TRIM36: variants seen among roughly 807,000 people sequenced by gnomAD.
TRIM36 encodes the protein tripartite motif containing 36, also known as E3 ubiquitin-protein ligase TRIM36.
A neutral mutation model predicts 72.4 loss-of-function variants in TRIM36; 42 were observed. The ratio of observed to expected loss-of-function variants is 0.58; its 90% confidence interval spans 0.45 to 0.75. The LOEUF (loss-of-function observed/expected upper bound fraction) is 0.75, where lower values mean the gene tolerates loss of function less well. Among genes scored for constraint, TRIM36 ranks in the 30% least tolerant of loss-of-function variants. The pLI, the probability that TRIM36 is intolerant of heterozygous loss-of-function variation, is 0.00. For missense variants in TRIM36, 913 were observed against 857.1 expected (o/e 1.07, Z -0.81); for synonymous variants, 315 against 282.8 (o/e 1.11, Z -1.14).
chr5:115,170,731 A>G (rs2126949883), upstream of TRIM36, among the ~76,000 whole-genome samples: 1 of 152,342 alleles, frequency 6.6e-6, no homozygotes, highest in African/African-American at 2.4e-5. Context: ...GATGCTGGCC[A>G]GGGACTGAAG....
exon 1 of TRIM36, chr5:115,180,136 T>TC (rs1755553265): frequency 1.7e-6 from 2 of 1,185,428 alleles, no homozygotes; most frequent in Non-Finnish European, 2.5e-6. Flanking sequence ...TTTGCCGAGC[T>TC]CCCCGCCCAT....
intron 4 of TRIM36, among the ~76,000 whole-genome samples, chr5:115,141,662 TTTCA>T (rs895952201): frequency 6.6e-6 from 1 of 152,200 alleles, no homozygotes; most frequent in Non-Finnish European, 1.5e-5. Flanking sequence ...ATTTTTATTG[TTTCA>T]TTATCATTCC....
chr5:115,147,051 A>C lies in TRIM36; in HGVS notation c.588+18T>G, dbSNP rs922634361. ...TTAAGTTAAAATAACATTCTAACTTAATAAAAACTTCACTTACCTTGGGTC... is the reference window on the plus strand; with the variant it reads ...TTAAGTTAAAATAACATTCTAACTTCATAAAAACTTCACTTACCTTGGGTC... On this transcript the variant is annotated intron_variant, in intron 3 of 9. Coordinates refer to ENST00000513154, the MANE Select transcript of TRIM36 (RefSeq NM_001300759.2). The C allele has an allele frequency of 6.3e-7, 1 of 1,588,332 alleles. No individual in the cohort carries two copies.
chr5:115,144,779 C>G (rs373120464), intron 3 of TRIM36, 35 bp from the exon 4 acceptor site: 3 of 1,569,926 alleles, frequency 1.9e-6, no homozygotes, highest in African/African-American at 1.4e-5. Flanking sequence ...GATTAAGGAT[C>G]TAGGTTTCAA....
chr5:115,130,747 G>A lies in TRIM36; in HGVS notation c.1641C>T (p.Ser547=). The change falls in exon 9 of 10, where the codon AGC becomes AGT. Residue 547 remains serine (S), a synonymous_variant. Coordinates refer to ENST00000513154, the MANE Select transcript of TRIM36 (RefSeq NM_001300759.2). ...CAGTATCTCCAATGATGTAGTCTAAGCTTGTGTAATAACCCACTTGGATGC... is the reference window on the plus strand; with the variant it reads ...CAGTATCTCCAATGATGTAGTCTAAACTTGTGTAATAACCCACTTGGATGC... ...AERIQVGYYT[S]LDYIIGDTGI... The A allele has an allele frequency of 1.2e-6, 2 of 1,614,126 alleles. No individual in the cohort carries two copies. Among genetic ancestry groups the A allele is most frequent in the Middle Eastern group, 1.6e-4 (1 of 6,062 alleles).
chr5:115,145,960 T>C (rs903851423), intron 3 of TRIM36, among the ~76,000 whole-genome samples: 1 of 152,234 alleles, frequency 6.6e-6, no homozygotes, highest in Admixed American at 6.5e-5. Context: ...TTTAGAATTT[T>C]ACTATATTGA....
chr5:115,134,280 A>G (rs2974618), intron 7 of TRIM36, 133 bp from the exon 8 acceptor site: 358,827 of 605,536 alleles, frequency 0.59, 109,260 homozygotes, highest in South Asian at 0.71. Context: ...TTATAATACT[A>G]TATATAGAAA....
At chr5:115,152,085 A>AAAAGGC (rs564780847) in intron 2 of TRIM36, among the ~76,000 whole-genome samples, 60 of 152,336 alleles carry the variant, frequency 3.9e-4, no homozygotes, top group Middle Eastern at 3.4e-3. Flanking sequence ...AGACACCAGA[A>AAAAGGC]AAAGGCAAAG....
chr5:115,160,651 AACAAAGTGAGACCTTCTTCTCC>A (rs1403776892), intron 2 of TRIM36, among the ~76,000 whole-genome samples: 4 of 152,336 alleles, frequency 2.6e-5, no homozygotes, highest in Non-Finnish European at 5.9e-5. Flanking sequence ...CAGCCTAGGC[AACAAAGTGAGACCTTCTTCTCC>A]ACAAAAAAAA....
chr5:115,128,095 G>GGC lies in TRIM36; in HGVS notation c.1797-1239_1797-1238insGC, dbSNP rs113602808. Among the ~76,000 whole-genome samples, 8 of 149,348 alleles carry GGC rather than the reference G, an allele frequency of 5.4e-5. 1 individual carries two copies. The highest frequency in any genetic ancestry group is 1.9e-4 in the African/African-American group (8 of 41,066). ...ACAAGGCTATAAAAAAAATTGGGGGGGGCCAGGAGTGGTAGCTCACGTCTG... is the reference window on the plus strand; with the variant it reads ...ACAAGGCTATAAAAAAAATTGGGGGGGCGGCCAGGAGTGGTAGCTCACGTCTG... On this transcript the variant is annotated intron_variant, in intron 9 of 9. Coordinates refer to ENST00000513154, the MANE Select transcript of TRIM36 (RefSeq NM_001300759.2).
chr5:115,167,382 T>C (rs1039305309), intron 1 of TRIM36, among the ~76,000 whole-genome samples: 1 of 152,214 alleles, frequency 6.6e-6, no homozygotes, highest in African/African-American at 2.4e-5. Flanking sequence ...CTTAAGCAAA[T>C]TTCTGCAGCT....
chr5:115,155,445 A>G (rs1364397031), intron 2 of TRIM36, among the ~76,000 whole-genome samples: 2 of 152,236 alleles, frequency 1.3e-5, no homozygotes, highest in African/African-American at 2.4e-5. Flanking sequence ...ATCCAACAAC[A>G]TATCAAAAAG....
At chr5:115,159,377 T>C (rs536392266) in intron 2 of TRIM36, among the ~76,000 whole-genome samples, 1 of 152,326 alleles carries the variant, frequency 6.6e-6, no homozygotes, top group Admixed American at 6.5e-5. Flanking sequence ...ACAAAAGCGG[T>C]ATAAATCATT....
rs997877790 is a variant in TRIM36 at position 115,147,412 on chromosome 5, C to A, written c.263-18G>T. 2.5e-6 allele frequency: 4 copies of A among 1,602,402 alleles called. No homozygotes were observed. In the African/African-American group the frequency reaches 5.4e-5, roughly 21 times the overall value. ...CTTCCAGCCTGTGTAATTAGTAAGTCTTTGTTTAGTTATAGCAGTAGGAAA... is the reference window on the plus strand; with the variant it reads ...CTTCCAGCCTGTGTAATTAGTAAGTATTTGTTTAGTTATAGCAGTAGGAAA... On this transcript the variant is annotated intron_variant, in intron 2 of 9. Coordinates refer to ENST00000513154, the MANE Select transcript of TRIM36 (RefSeq NM_001300759.2).
intron 1 of TRIM36, among the ~76,000 whole-genome samples, chr5:115,167,222 C>A (rs748197359): frequency 5.9e-5 from 9 of 152,220 alleles, no homozygotes; most frequent in Non-Finnish European, 8.8e-5. Flanking sequence ...AAACATTTTT[C>A]TCTCCTAGGC....
At chr5:115,162,143 C>T (rs561522564) in intron 2 of TRIM36, among the ~76,000 whole-genome samples, 2 of 152,266 alleles carry the variant, frequency 1.3e-5, no homozygotes, top group South Asian at 4.1e-4. Flanking sequence ...TGCAGTCACC[C>T]CTTCTCATCT....
chr5:115,144,188 A>G (rs1321308815), intron 4 of TRIM36, among the ~76,000 whole-genome samples: 3 of 152,146 alleles, frequency 2.0e-5, no homozygotes, highest in Non-Finnish European at 2.9e-5. Context: ...TTAAATGGTA[A>G]GTGTGCCACC....
At chr5:115,141,432 C>T (rs1264735126) in intron 4 of TRIM36, 58 bp from the exon 5 acceptor site, 66 of 1,298,360 alleles carry the variant, frequency 5.1e-5, no homozygotes, top group Non-Finnish European at 8.5e-6. Flanking sequence ...AAAGACTTTG[C>T]AGAATTTTTT....
Position 115,147,199 on chromosome 5 carries a change from T to C in TRIM36, c.458A>G (p.Gln153Arg), listed in dbSNP as rs576690291. Reference sequence around the variant, plus strand: ...GTCCATGCAGCTTTTTGTGGATTCTTGAGGTGGTGGTTTACAAAGGTCACA... The same window carrying C: ...GTCCATGCAGCTTTTTGTGGATTCTCGAGGTGGTGGTTTACAAAGGTCACA... ...IMCDLCKPPPQESTKSCMDCS... is the reference protein window; with the variant it reads ...IMCDLCKPPPRESTKSCMDCS... The change falls in exon 3 of 10, where the codon CAA becomes CGA. Residue 153 changes from glutamine to arginine, a missense_variant. Physicochemically the swap from Gln to Arg is conservative, Grantham distance 43. Coordinates refer to ENST00000513154, the MANE Select transcript of TRIM36 (RefSeq NM_001300759.2). 1.2e-6 allele frequency: 2 copies of C among 1,614,180 alleles called. No homozygotes were observed. Among genetic ancestry groups the C allele is most frequent in the South Asian group, 1.1e-5 (1 of 91,084 alleles).
Sources: gnomAD v4.1 joint callset for allele counts (sites outside exome capture counted in the v4.1 genomes callset) on GRCh38, gnomAD v4.1.1 for gene constraint, MANE v1.5 for transcripts, NCBI Gene and HGNC (gene_info 2026-07-23, HGNC 2026-07-21) for gene names.